The following ELF1 variants were observed in gnomAD, a reference collection of about 807,000 sequenced individuals.
ELF1 encodes ETS-related transcription factor Elf-1.
ELF1 carries 24 observed loss-of-function variants against 59.9 expected under a neutral mutation model. The observed-to-expected ratio is 0.40, with a 90% CI of 0.29 to 0.56. The LOEUF is 0.56. ELF1 is among the 20% of genes least tolerant of loss of function. The probability of loss-of-function intolerance (pLI) is 0.44; values close to 1 mark genes in which losing one functional copy is unlikely to be tolerated. For missense variants in ELF1, 627 were observed against 742.2 expected, an observed-to-expected ratio of 0.84 and a Z score of 1.80; for synonymous variants, 248 against 266.2, an observed-to-expected ratio of 0.93 and a Z score of 0.67.
At chr13:41,026,686 C>CA (rs2138400956) in intron 1 of ELF1, among the ~76,000 whole-genome samples, 1 of 152,270 alleles carries the variant, frequency 6.6e-6, no homozygotes, top group East Asian at 1.9e-4. Flanking sequence ...CACGGGCCAC[C>CA]AAGTTATCAT....
At chr13:41,008,039 C>A (rs529581783) in intron 1 of ELF1, among the ~76,000 whole-genome samples, 10 of 152,116 alleles carry the variant, frequency 6.6e-5, no homozygotes, top group Non-Finnish European at 1.3e-4. Context: ...TTTAAAAAGG[C>A]GACTTCACTT....
chr13:40,980,853 A>G (rs893363866), intron 2 of ELF1, among the ~76,000 whole-genome samples: 4 of 152,184 alleles, frequency 2.6e-5, no homozygotes, highest in African/African-American at 7.2e-5. Context: ...CACTATTAAT[A>G]TATTTTTAAT....
intron 1 of ELF1, among the ~76,000 whole-genome samples, chr13:41,031,019 C>T (rs1007676818): frequency 2.6e-5 from 4 of 151,598 alleles, no homozygotes; most frequent in Non-Finnish European, 5.9e-5. Flanking sequence ...AGAAATGAGC[C>T]AGGCATGGTG....
intron 1 of ELF1, among the ~76,000 whole-genome samples, chr13:41,015,174 A>G (rs1212955936): frequency 6.6e-6 from 1 of 152,168 alleles, no homozygotes; most frequent in East Asian, 1.9e-4. Flanking sequence ...ATTGGAACCA[A>G]AACAACTAAC....
chr13:40,965,402 A>C (rs1872114036), intron 2 of ELF1, among the ~76,000 whole-genome samples: 2 of 152,154 alleles, frequency 1.3e-5, no homozygotes, highest in African/African-American at 4.8e-5. Flanking sequence ...CGGGTGGATC[A>C]CCTGAGGTCA....
chr13:41,006,674 A>C (rs1178135500), intron 1 of ELF1, among the ~76,000 whole-genome samples: 3 of 152,234 alleles, frequency 2.0e-5, no homozygotes, highest in Non-Finnish European at 4.4e-5. Flanking sequence ...AGGATCAGGC[A>C]CGATGTCTAG....
chr13:40,993,442 T>C, intron 1 of ELF1: 1 of 630,290 alleles, frequency 1.6e-6, no homozygotes, highest in Non-Finnish European at 2.8e-6. Flanking sequence ...GCCCGTTTGC[T>C]ACTATCCGCC....
rs544773673 is a variant in ELF1, at chr13:41,033,397, A to G, written c.-229+27441T>C. Among the ~76,000 whole-genome samples the G allele has an allele frequency of 5.3e-5, 8 of 152,378 alleles. No homozygotes were observed. In the East Asian group the frequency reaches 9.6e-4, roughly 18 times the overall value. On this transcript the variant is annotated intron_variant, in intron 1 of 1. Transcript: ENST00000405737. ...CAGGACACATAGTATGTTCTCAAATACATAACGAAAAGAGGCAGATGAACA... is the reference window on the plus strand; with the variant it reads ...CAGGACACATAGTATGTTCTCAAATGCATAACGAAAAGAGGCAGATGAACA...
intron 2 of ELF1, among the ~76,000 whole-genome samples, chr13:40,972,984 T>C (rs1165749031): frequency 1.3e-5 from 2 of 152,180 alleles, no homozygotes; most frequent in Non-Finnish European, 2.9e-5. Context: ...AGATTACAGA[T>C]AGCTGGGCTT....
chr13:41,043,362 G>T (rs1876704502), intron 1 of ELF1, among the ~76,000 whole-genome samples: 1 of 152,152 alleles, frequency 6.6e-6, no homozygotes, highest in Non-Finnish European at 1.5e-5. Context: ...TGGTGTTTTA[G>T]ACATGAAGTC....
intron 1 of ELF1, chr13:41,060,831 G>A (rs750596948): frequency 2.3e-5 from 6 of 264,582 alleles, no homozygotes; most frequent in African/African-American, 4.6e-5. Flanking sequence ...AAACTGCCGT[G>A]ACCCACCTGA....
intron 1 of ELF1, among the ~76,000 whole-genome samples, chr13:41,043,270 T>G (rs1876699176): frequency 1.3e-5 from 2 of 152,250 alleles, no homozygotes; most frequent in Admixed American, 6.5e-5. Context: ...TTCACTCTGA[T>G]GGTAGTTTCT....
exon 1 of ELF1, chr13:41,061,150 C>T (rs898118531): frequency 1.0e-5 from 2 of 194,138 alleles, no homozygotes; most frequent in Non-Finnish European, 2.2e-5. Context: ...CCCGGTTGCT[C>T]CGCTGGTCAA....
intron 1 of ELF1, chr13:40,992,913 C>T (rs939539779): frequency 7.4e-6 from 5 of 672,022 alleles, no homozygotes; most frequent in Middle Eastern, 4.0e-4. Context: ...GAAATGTAAT[C>T]TTCATATATC....
intron 8 of ELF1, among the ~76,000 whole-genome samples, chr13:40,940,386 G>GAAAAAAAAAAAAAAAAAAAAAAAAAAAA (rs375400990): frequency 9.1e-6 from 1 of 109,896 alleles, no homozygotes; most frequent in African/African-American, 4.9e-5. Flanking sequence ...TGATTTAACT[G>GAAAAAAAAAAAAAAAAAAAAAAAAAAAA]AAAAAAAAAA....
intron 8 of ELF1, among the ~76,000 whole-genome samples, chr13:40,934,987 C>T (rs1351354872): frequency 6.6e-6 from 1 of 152,102 alleles, no homozygotes; most frequent in African/African-American, 2.4e-5. Flanking sequence ...TATGGCTAAG[C>T]TTTGGAAAAA....
chr13:41,057,132 A>G (rs1174890456), intron 1 of ELF1, among the ~76,000 whole-genome samples: 1 of 147,484 alleles, frequency 6.8e-6, no homozygotes, highest in Non-Finnish European at 1.5e-5. Flanking sequence ...CTCTGCAAAC[A>G]TTTACTGAAC....
upstream of ELF1, among the ~76,000 whole-genome samples, chr13:41,022,476 G>C (rs1054930759): frequency 1.2e-4 from 18 of 152,200 alleles, 1 homozygote; most frequent in African/African-American, 4.1e-4. Context: ...TATCTTGACT[G>C]TGGTACCGGT....
chr13:41,017,402 T>C (rs888126877), intron 1 of ELF1, among the ~76,000 whole-genome samples: 2 of 152,202 alleles, frequency 1.3e-5, no homozygotes, highest in African/African-American at 4.8e-5. Flanking sequence ...TCTTCATCTA[T>C]AAAAGTGAGG....
Sources: allele counts gnomAD v4.1 joint callset (sites outside exome capture counted in the v4.1 genomes callset), GRCh38; gene constraint gnomAD v4.1.1; transcripts MANE v1.5; gene names NCBI Gene and HGNC (gene_info 2026-07-23, HGNC 2026-07-21).